METTL15: variants seen among roughly 807,000 people sequenced by gnomAD.
METTL15 encodes the protein methyltransferase 15, mitochondrial 12S rRNA N4-cytidine.
Under a neutral mutation model 38.3 loss-of-function variants are expected in METTL15, and 34 were observed. That is an observed-to-expected ratio of 0.89 (90% confidence interval 0.68 to 1.18). METTL15 has a LOEUF of 1.18. Ranked by LOEUF, METTL15 falls within the 50% of genes most tolerant of loss-of-function variation. The pLI is 0.00. For synonymous variants in METTL15, 162 were observed against 170.9 expected (o/e 0.95, Z 0.41); for missense variants, 438 against 498.4 (o/e 0.88, Z 1.15).
Position 28,147,192 on chromosome 11 carries a change from A to G in METTL15, c.270+33588A>G, listed in dbSNP as rs181549702. Among the ~76,000 whole-genome samples, 428 of 151,960 alleles carry G rather than the reference A, an allele frequency of 2.8e-3. 2 individuals are homozygous for G. Among genetic ancestry groups the G allele is most frequent in the Non-Finnish European group, 4.7e-3 (319 of 67,788 alleles). On this transcript the variant is annotated intron_variant, in intron 3 of 6. Coordinates refer to ENST00000407364, the MANE Select transcript of METTL15 (RefSeq NM_001113528.2). ...ATCCTTCCAGCATCTCTGAGATGGG[A>G]ATTATTTACCTATAATCAAATGTGA...
At chr11:28,365,861 C>A (rs957391443) in intron 5 of METTL15, among the ~76,000 whole-genome samples, 4 of 152,042 alleles carry the variant, frequency 2.6e-5, no homozygotes, top group African/African-American at 9.7e-5. Flanking sequence ...ACCTTCCTGG[C>A]TAACATGGTG....
At chr11:28,318,241 C>T (rs1182103126) in intron 6 of METTL15, among the ~76,000 whole-genome samples, 1 of 152,030 alleles carries the variant, frequency 6.6e-6, no homozygotes, top group Non-Finnish European at 1.5e-5. Flanking sequence ...TCTTTGCCAC[C>T]TGCTGTGTAC....
intron 4 of METTL15, chr11:28,287,198 T>TGTGTG (rs1565225447): frequency 3.3e-5 from 4 of 122,458 alleles, no homozygotes; most frequent in South Asian, 8.5e-5. Context: ...GTGTGTGTGT[T>TGTGTG]CATGAGGCAT....
At chr11:28,325,443 T>G (rs1849603672) in intron 6 of METTL15, among the ~76,000 whole-genome samples, 1 of 152,188 alleles carries the variant, frequency 6.6e-6, no homozygotes, top group Non-Finnish European at 1.5e-5. Flanking sequence ...ACATAAGTTT[T>G]GGGCACATAG....
intron 6 of METTL15, among the ~76,000 whole-genome samples, chr11:28,462,886 A>G (rs1021686871): frequency 3.9e-5 from 6 of 152,152 alleles, no homozygotes; most frequent in African/African-American, 1.4e-4. Context: ...GTGCCAATTT[A>G]TGAAGGGTTC....
chr11:28,322,067 GAAAT>G (rs947372027), intron 6 of METTL15, among the ~76,000 whole-genome samples: 2 of 151,752 alleles, frequency 1.3e-5, no homozygotes, highest in African/African-American at 4.8e-5. Context: ...TCAAATATAA[GAAAT>G]AAAACCAGAA....
At chr11:28,395,869 C>A (rs1291053480) in intron 5 of METTL15, among the ~76,000 whole-genome samples, 2 of 152,142 alleles carry the variant, frequency 1.3e-5, no homozygotes, top group South Asian at 2.1e-4. Flanking sequence ...CAAACCGAAT[C>A]CAGCAGCACA....
intron 4 of METTL15, among the ~76,000 whole-genome samples, chr11:28,354,100 G>T (rs1296874538): frequency 6.6e-6 from 1 of 152,184 alleles, no homozygotes; most frequent in Non-Finnish European, 1.5e-5. Flanking sequence ...CGTACCATTG[G>T]AGCAGGAGCT....
chr11:28,222,127 T>G (rs1853259836), intron 4 of METTL15, among the ~76,000 whole-genome samples: 1 of 152,178 alleles, frequency 6.6e-6, no homozygotes, highest in Admixed American at 6.5e-5. Flanking sequence ...CTGCCTTTTG[T>G]TTAGCTATGC....
At position 28,114,664 on chromosome 11, in the gene METTL15, T is replaced by C. The variant is rs557285482; in HGVS notation, c.270+1060T>C. Among the ~76,000 whole-genome samples, 3 of 152,318 alleles carry C rather than the reference T, an allele frequency of 2.0e-5. No homozygotes were observed. The South Asian group carries it at 6.2e-4, about 32-fold the overall frequency. On this transcript the variant is annotated intron_variant, in intron 3 of 6. Transcript: ENST00000407364. ...TGGGGTTTCACCATGTTGGCCAGGC[T>C]GGTCATGAACTCCTGACCTCAGGTG...
rs1439955786 is a variant in METTL15 at position 28,296,939 on chromosome 11, C to T, written c.778+8C>T. The T allele has an allele frequency of 6.2e-7, 1 of 1,613,142 alleles. No individual in the cohort carries two copies. Among genetic ancestry groups the T allele is most frequent in the Non-Finnish European group, 8.5e-7 (1 of 1,179,530 alleles). ...TTGCCAGCATCGTTGCAGGTAGCCT[C>T]ATTAATTCTCAACAGTGTCTAAGAG... On this transcript the variant is annotated splice_region_variant and intron_variant, in intron 6 of 6. Transcript: ENST00000407364.
chr11:28,256,544 A>T (rs780976468), intron 4 of METTL15, among the ~76,000 whole-genome samples: 1 of 152,110 alleles, frequency 6.6e-6, no homozygotes, highest in Non-Finnish European at 1.5e-5. Flanking sequence ...TGTATCAGTT[A>T]TAGTGTCTCC....
chr11:28,204,553 G>A (rs567972758), intron 3 of METTL15, among the ~76,000 whole-genome samples: 53 of 139,450 alleles, frequency 3.8e-4, no homozygotes, highest in Middle Eastern at 4.7e-3. Context: ...AAACCATAAA[G>A]CAATAAGCAG....
At chr11:28,465,329 T>C (rs1171460391) in intron 6 of METTL15, among the ~76,000 whole-genome samples, 1 of 152,178 alleles carries the variant, frequency 6.6e-6, no homozygotes, top group Non-Finnish European at 1.5e-5. Flanking sequence ...TTAATGATCT[T>C]TCAGGGGTCC....
chr11:28,373,448 G>A lies in METTL15; in HGVS notation c.*358+11412G>A, dbSNP rs368564394. ...TGAGAAGTGTCTGTTCATGTCCTTC[G>A]CCCACTTTTTGATGGGGTTGTTTTT... On this transcript the variant is annotated intron_variant and NMD_transcript_variant, in intron 5 of 7. Coordinates refer to the METTL15 transcript ENST00000532947. Among the ~76,000 whole-genome samples the A allele has an allele frequency of 4.3e-4, 66 of 151,932 alleles. No individual in the cohort carries two copies. The East Asian group carries it at 5.6e-3, about 13-fold the overall frequency.
intron 4 of METTL15, among the ~76,000 whole-genome samples, chr11:28,220,453 G>T (rs1248441553): frequency 6.6e-6 from 1 of 152,056 alleles, no homozygotes; most frequent in Non-Finnish European, 1.5e-5. Context: ...GCCTATGTGT[G>T]TCTCTGCACA....
chr11:28,453,791 G>C (rs1428355011), intron 6 of METTL15, among the ~76,000 whole-genome samples: 1 of 152,168 alleles, frequency 6.6e-6, no homozygotes, highest in African/African-American at 2.4e-5. Flanking sequence ...TACTACAGTT[G>C]ACTCTGGGAT....
At chr11:28,258,524 C>A (rs927672621) in intron 4 of METTL15, among the ~76,000 whole-genome samples, 2 of 152,110 alleles carry the variant, frequency 1.3e-5, no homozygotes, top group African/African-American at 4.8e-5. Flanking sequence ...GGACTATAGT[C>A]AAAAATCTTT....
chr11:28,283,427 C>G (rs911823558), intron 4 of METTL15, among the ~76,000 whole-genome samples: 3 of 152,094 alleles, frequency 2.0e-5, no homozygotes, highest in African/African-American at 7.2e-5. Context: ...TGTGAGTGGA[C>G]TGATTTTTAT....
Sources: allele counts gnomAD v4.1 joint callset (sites outside exome capture counted in the v4.1 genomes callset), GRCh38; gene constraint gnomAD v4.1.1; transcripts MANE v1.5; gene names NCBI Gene and HGNC (gene_info 2026-07-23, HGNC 2026-07-21).